ARV1: variants seen among roughly 807,000 people sequenced by gnomAD.
The protein encoded by ARV1 is ARV1 fatty acid homeostasis modulator, also known as protein ARV1.
A neutral mutation model predicts 31.1 loss-of-function variants in ARV1; 26 were observed. That is an observed-to-expected ratio of 0.84 (90% CI 0.61 to 1.16). ARV1 has a LOEUF of 1.16. Ranked by LOEUF, ARV1 falls within the 50% of genes most tolerant of loss-of-function variation. The probability of loss-of-function intolerance (pLI) is 0.00; values close to 1 mark genes in which losing one functional copy is unlikely to be tolerated. For synonymous variants in ARV1, 117 were observed against 123.2 expected (o/e 0.95, Z 0.34); for missense variants, 281 against 324.9 (o/e 0.86, Z 1.04).
At chr1:230,986,052 G>C (rs920148181) in intron 1 of ARV1, among the ~76,000 whole-genome samples, 103 of 152,004 alleles carry the variant, frequency 6.8e-4, no homozygotes, top group Admixed American at 1.2e-3. Flanking sequence ...TAGTTGCTGG[G>C]ACTACAGGCA....
chr1:230,993,527 C>G (rs1027168083), intron 3 of ARV1, among the ~76,000 whole-genome samples: 2 of 152,184 alleles, frequency 1.3e-5, no homozygotes, highest in African/African-American at 2.4e-5. Context: ...GATGCTTAAT[C>G]AGAAGTTTCT....
chr1:230,985,153 A>G (rs1293333851), intron 1 of ARV1, among the ~76,000 whole-genome samples: 1 of 150,966 alleles, frequency 6.6e-6, no homozygotes. Flanking sequence ...AGGCGTTTCA[A>G]ACTGACTGAG....
In ARV1 at chr1:230,979,238, T is replaced by C. The variant is rs1353070710; in HGVS notation, c.133T>C (p.Tyr45His). 6.2e-7 allele frequency: 1 copy of C among 1,613,590 alleles called. No individual in the cohort carries two copies. ...ATGCAACCAGGAGGCCAAAGAGTTG[T>C]ACCGAGACTATAACCACGGTGTGCT... is the stretch of plus-strand genomic sequence containing the variant. The part of the protein sequence containing the change: ...IECNQEAKEL[Y>H]RDYNHGVLKI... Residue 45 changes from tyrosine to histidine, a missense_variant, in exon 1 of 6, where the codon TAC becomes CAC. Coordinates refer to ENST00000310256, the MANE Select transcript of ARV1 (RefSeq NM_022786.3).
intron 5 of ARV1, among the ~76,000 whole-genome samples, chr1:230,998,617 C>G (rs537437174): frequency 7.9e-5 from 12 of 152,050 alleles, no homozygotes; most frequent in African/African-American, 2.4e-4. Flanking sequence ...CTAAAATTCA[C>G]AAGGAGAGCA....
intron 3 of ARV1, among the ~76,000 whole-genome samples, chr1:230,993,425 A>T (rs1558245343): frequency 6.6e-6 from 1 of 152,170 alleles, no homozygotes; most frequent in South Asian, 2.1e-4. Flanking sequence ...ATAAACTGTT[A>T]TATGTCCATA....
At chr1:230,994,359 C>T (rs931072620) in intron 3 of ARV1, among the ~76,000 whole-genome samples, 2 of 152,060 alleles carry the variant, frequency 1.3e-5, no homozygotes, top group African/African-American at 2.4e-5. Flanking sequence ...TCTTGTTATT[C>T]GCTATTCTTT....
rs1402958017 is a variant in ARV1, at chr1:230,995,991, TTA to T, written c.673+9_673+10del. The T allele has an allele frequency of 6.2e-7, 1 of 1,604,132 alleles. No individual in the cohort carries two copies. Among genetic ancestry groups the T allele is most frequent in the East Asian group, 2.2e-5 (1 of 44,788 alleles). Reference sequence around the variant, plus strand: ...AATTTTCAGGCAATTAGAGGTATGTTTATGTGTTTATTCTGCCTTCTCAGTTT... The same window carrying T: ...AATTTTCAGGCAATTAGAGGTATGTTTGTGTTTATTCTGCCTTCTCAGTTT... On this transcript the variant is annotated splice_region_variant and intron_variant, in intron 4 of 5. Coordinates refer to ENST00000310256, the MANE Select transcript of ARV1 (RefSeq NM_022786.3).
chr1:230,986,687 TTTTTTTTTTTTTTTTTTTTGA>T (rs1679085694), intron 1 of ARV1, among the ~76,000 whole-genome samples: 1 of 122,450 alleles, frequency 8.2e-6, no homozygotes, highest in Admixed American at 8.5e-5. Flanking sequence ...TTTTTTTTTT[TTTTTTTTTTTTTTTTTTTTGA>T]GAGAGAGAGA....
Position 230,997,143 on chromosome 1 carries a change from G to A in ARV1, c.696G>A (p.Lys232=). The A allele has an allele frequency of 6.2e-7, 1 of 1,614,078 alleles. No homozygotes were observed. Among genetic ancestry groups the A allele is most frequent in the Non-Finnish European group, 8.5e-7 (1 of 1,180,008 alleles). ...AIRVTLNINR[K]LSFLAVLSGL... Reference sequence around the variant, plus strand: ...CAGTGACCCTAAACATCAACCGTAAGCTCTCCTTCTTGGCCGTGTTGAGTG... The same window carrying A: ...CAGTGACCCTAAACATCAACCGTAAACTCTCCTTCTTGGCCGTGTTGAGTG... The change falls in exon 5 of 6, where the codon AAG becomes AAA. Residue 232 remains lysine (K), a synonymous_variant. Coordinates refer to ENST00000310256, the MANE Select transcript of ARV1 (RefSeq NM_022786.3).
At chr1:230,999,046 T>A (rs1275729369) in intron 5 of ARV1, among the ~76,000 whole-genome samples, 3 of 152,164 alleles carry the variant, frequency 2.0e-5, no homozygotes, top group African/African-American at 7.2e-5. Flanking sequence ...CATTAGATCT[T>A]TCTTCACTGA....
Position 230,986,721 on chromosome 1 carries a change from G to A in ARV1, c.175-1599G>A, listed in dbSNP as rs568790148. Among the ~76,000 whole-genome samples, 368 of 103,686 alleles carry A rather than the reference G, an allele frequency of 3.5e-3. 3 individuals are homozygous for A. Among genetic ancestry groups the A allele is most frequent in the African/African-American group, 0.013 (347 of 26,884 alleles). 68.0% of individuals were successfully genotyped at this position (103,686 alleles called of 152,430 possible). A position where few individuals can be genotyped will look rare whatever the true frequency, so the allele number is the denominator to read the frequency against. On this transcript the variant is annotated intron_variant, in intron 1 of 5. Coordinates refer to ENST00000310256, the MANE Select transcript of ARV1 (RefSeq NM_022786.3). ...TTTTTTTTTTTGAGAGAGAGAGACC[G>A]AGACAGGGTCTTGCTTTGTTGCCCA...
chr1:230,985,269 G>C (rs189229345), intron 1 of ARV1, among the ~76,000 whole-genome samples: 1 of 152,308 alleles, frequency 6.6e-6, no homozygotes, highest in Non-Finnish European at 1.5e-5. Context: ...ACCAGAAGCT[G>C]CCTCCTCTGT....
chr1:230,992,989 A>G (rs146334222), intron 3 of ARV1, among the ~76,000 whole-genome samples: 81 of 152,400 alleles, frequency 5.3e-4, no homozygotes, highest in African/African-American at 1.9e-3. Context: ...ATCTTATGAA[A>G]CATAATACTA....
chr1:230,988,324 C>T lies in ARV1; in HGVS notation c.179C>T (p.Ser60Phe), dbSNP rs141851104. The T allele has an allele frequency of 6.3e-7, 1 of 1,588,858 alleles. No homozygotes were observed. The highest frequency in any genetic ancestry group is 1.7e-5 in the Admixed American group (1 of 57,948). ...HGVLKITICK[S>F]CQKPVDKYIE... ...TATTATCTTGTATTATTTCAGAAAT[C>T]CTGCCAGAAACCTGTAGACAAATAT... The change falls in exon 2 of 6, where the codon TCC (serine) becomes TTC (phenylalanine). Residue 60 changes from serine to phenylalanine, a missense_variant. Ser to Phe is a radical substitution (Grantham distance 155, BLOSUM62 -2). Transcript: ENST00000310256.
intron 5 of ARV1, among the ~76,000 whole-genome samples, chr1:230,999,183 T>C (rs1273953813): frequency 6.6e-6 from 1 of 152,182 alleles, no homozygotes; most frequent in Non-Finnish European, 1.5e-5. Context: ...CCCTGCCTCC[T>C]ACCAGGACGG....
At chr1:230,989,196 T>G (rs1032119326) in intron 2 of ARV1, among the ~76,000 whole-genome samples, 2 of 152,176 alleles carry the variant, frequency 1.3e-5, no homozygotes, top group Non-Finnish European at 2.9e-5. Flanking sequence ...TGAAGTGCAG[T>G]GGCGTGATCT....
chr1:230,994,967 G>C (rs949439564), intron 3 of ARV1, among the ~76,000 whole-genome samples: 1 of 152,238 alleles, frequency 6.6e-6, no homozygotes, highest in African/African-American at 2.4e-5. Context: ...AGAGAAACCT[G>C]ATTCTGCAGA....
At chr1:230,992,028 CCTT>C (rs1334757748) in intron 3 of ARV1, among the ~76,000 whole-genome samples, 1 of 152,220 alleles carries the variant, frequency 6.6e-6, no homozygotes, top group Non-Finnish European at 1.5e-5. Flanking sequence ...ACAGTAGCCT[CCTT>C]GTTTGCTAGC....
intron 4 of ARV1, among the ~76,000 whole-genome samples, chr1:230,996,629 G>T (rs955409957): frequency 2.0e-5 from 3 of 151,932 alleles, no homozygotes; most frequent in Non-Finnish European, 4.4e-5. Flanking sequence ...TAGAGACAGG[G>T]TTTCGACATG....
Sources: allele counts gnomAD v4.1 joint callset (sites outside exome capture counted in the v4.1 genomes callset), GRCh38; gene constraint gnomAD v4.1.1; transcripts MANE v1.5; gene names NCBI Gene and HGNC (gene_info 2026-07-23, HGNC 2026-07-21).